CDH12: variants seen among roughly 807,000 people sequenced by gnomAD.
CDH12 encodes cadherin-12.
In CDH12, 41 loss-of-function variants were observed where a neutral mutation model predicts 74.1. That is an observed-to-expected ratio of 0.55 (90% CI 0.43 to 0.72). The LOEUF is 0.72. CDH12 is among the 30% of genes least tolerant of loss of function. CDH12 has a pLI of 0.00. For missense variants in CDH12, 945 were observed against 977.2 expected, an observed-to-expected ratio of 0.97 and a Z score of 0.44; for synonymous variants, 399 against 355.0, an observed-to-expected ratio of 1.12 and a Z score of -1.39.
At chr5:22,102,823 T>G (rs1445950105) in intron 4 of CDH12, among the ~76,000 whole-genome samples, 1 of 152,108 alleles carries the variant, frequency 6.6e-6, no homozygotes, top group African/African-American at 2.4e-5. Flanking sequence ...ATTCACGCTC[T>G]CTCTCTCTCC....
intron 5 of CDH12, among the ~76,000 whole-genome samples, chr5:22,058,181 C>G (rs1445099096): frequency 2.0e-5 from 3 of 152,022 alleles, no homozygotes; most frequent in Non-Finnish European, 2.9e-5. Flanking sequence ...TTCAGCCTCC[C>G]GAGTAGCTGG....
chr5:22,632,089 A>T (rs1228847914), intron 1 of CDH12, among the ~76,000 whole-genome samples: 1 of 152,140 alleles, frequency 6.6e-6, no homozygotes, highest in South Asian at 2.1e-4. Context: ...GAGGGTGAGG[A>T]TCTTAAAACT....
intron 4 of CDH12, among the ~76,000 whole-genome samples, chr5:22,087,648 G>GA (rs903431309): frequency 2.7e-5 from 4 of 150,734 alleles, no homozygotes; most frequent in Non-Finnish European, 5.9e-5. Context: ...CTCAAAAAAA[G>GA]AAAAAAAAGA....
chr5:22,346,383 C>A (rs1740114227), intron 3 of CDH12, among the ~76,000 whole-genome samples: 1 of 151,990 alleles, frequency 6.6e-6, no homozygotes, highest in Admixed American at 6.6e-5. Flanking sequence ...ATTATTTTAT[C>A]CCCAGATTAC....
intron 1 of CDH12, among the ~76,000 whole-genome samples, chr5:22,658,243 G>A (rs1740157926): frequency 6.6e-6 from 1 of 151,972 alleles, no homozygotes. Context: ...CATTCTGGAG[G>A]GGAAAAGACC....
chr5:21,919,966 T>A (rs913456679), intron 6 of CDH12, among the ~76,000 whole-genome samples: 3 of 152,196 alleles, frequency 2.0e-5, no homozygotes, highest in Non-Finnish European at 4.4e-5. Context: ...AATATCTTCA[T>A]GCCTATTTTG....
intron 5 of CDH12, among the ~76,000 whole-genome samples, chr5:22,031,642 T>C (rs1017705832): frequency 6.6e-6 from 1 of 152,210 alleles, no homozygotes; most frequent in Admixed American, 6.5e-5. Flanking sequence ...TTTCTTTTAC[T>C]TGAACACTCA....
chr5:22,523,024 T>C (rs1022230379), intron 1 of CDH12, among the ~76,000 whole-genome samples: 2 of 152,174 alleles, frequency 1.3e-5, no homozygotes, highest in African/African-American at 4.8e-5. Flanking sequence ...TCTGCTGAAA[T>C]TGACTTCTTA....
chr5:22,655,239 C>T lies in CDH12; in HGVS notation c.-522-149875G>A, dbSNP rs72746668. Among the ~76,000 whole-genome samples the T allele has an allele frequency of 5.9e-3, 892 of 152,222 alleles. 10 individuals carry two copies. Among genetic ancestry groups the T allele is most frequent in the Non-Finnish European group, 8.7e-3 (592 of 68,010 alleles). ...GACTCAATATTATCTCTTGTTTAGA[C>T]GATGGCAACATCTTCCTCACTGGTA... On this transcript the variant is annotated intron_variant, in intron 1 of 14. Transcript: ENST00000382254.
chr5:22,774,670 A>G lies in CDH12; in HGVS notation c.-523+78388T>C, dbSNP rs1392766397. On this transcript the variant is annotated intron_variant, in intron 1 of 14. Coordinates refer to ENST00000382254, the MANE Select transcript of CDH12 (RefSeq NM_004061.5). The stretch of plus-strand genomic sequence containing the variant: ...ACATGACTTGTTTCTCCTTGCCTTC[A>G]CCATTATTTTGAGGCCTCCCCAGCC... Among the ~76,000 whole-genome samples the G allele has an allele frequency of 6.6e-5, 10 of 152,166 alleles. No individual in the cohort carries two copies. The East Asian group carries it at 1.9e-3, about 29-fold the overall frequency.
chr5:21,880,592 C>CCTTCT (rs1752233892), intron 6 of CDH12, among the ~76,000 whole-genome samples: 2 of 53,264 alleles, frequency 3.8e-5, no homozygotes, highest in African/African-American at 6.7e-5. Flanking sequence ...TCCTTCCTTC[C>CCTTCT]TTCCTTCCTT....
chr5:22,310,162 TAAC>T (rs1191230968), intron 3 of CDH12, among the ~76,000 whole-genome samples: 26 of 151,378 alleles, frequency 1.7e-4, no homozygotes, highest in East Asian at 1.4e-3. Context: ...AAAACAACAA[TAAC>T]AACAACAACA....
chr5:22,660,300 T>A (rs539113954), intron 1 of CDH12, among the ~76,000 whole-genome samples: 1 of 152,338 alleles, frequency 6.6e-6, no homozygotes, highest in Admixed American at 6.5e-5. Flanking sequence ...TTAGACCCAG[T>A]TAGTTATGAC....
chr5:22,397,769 G>C (rs1455922286), intron 3 of CDH12, among the ~76,000 whole-genome samples: 1 of 152,006 alleles, frequency 6.6e-6, no homozygotes, highest in African/African-American at 2.4e-5. Flanking sequence ...TTTGACATAT[G>C]GTCCTTAAAG....
chr5:22,148,105 T>A (rs565239532), intron 4 of CDH12, among the ~76,000 whole-genome samples: 1 of 152,304 alleles, frequency 6.6e-6, no homozygotes, highest in Admixed American at 6.5e-5. Context: ...GCGCCCCTTT[T>A]CTTCACGACC....
At chr5:22,128,037 C>A (rs1411087220) in intron 4 of CDH12, among the ~76,000 whole-genome samples, 1 of 151,928 alleles carries the variant, frequency 6.6e-6, no homozygotes, top group African/African-American at 2.4e-5. Context: ...ACCTACTGTT[C>A]ATTACACTTA....
intron 5 of CDH12, among the ~76,000 whole-genome samples, chr5:22,002,714 T>C: frequency 6.6e-6 from 1 of 152,172 alleles, no homozygotes; most frequent in South Asian, 2.1e-4. Context: ...CCATAACATG[T>C]CACATATCTC....
chr5:22,361,742 A>C (rs1285167036), intron 3 of CDH12, among the ~76,000 whole-genome samples: 1 of 152,134 alleles, frequency 6.6e-6, no homozygotes, highest in East Asian at 1.9e-4. Context: ...ATATAGACCA[A>C]TGGAACAGAA....
At chr5:22,105,945 A>G (rs1291315058) in intron 4 of CDH12, among the ~76,000 whole-genome samples, 3 of 152,156 alleles carry the variant, frequency 2.0e-5, no homozygotes, top group African/African-American at 7.2e-5. Context: ...TAAGGGCTTT[A>G]TAGCTAGTAT....
Sources: gnomAD v4.1 joint callset for allele counts (sites outside exome capture counted in the v4.1 genomes callset) on GRCh38, gnomAD v4.1.1 for gene constraint, MANE v1.5 for transcripts, NCBI Gene and HGNC (gene_info 2026-07-23, HGNC 2026-07-21) for gene names.